MTIF2: variants seen among roughly 807,000 people sequenced by gnomAD.
MTIF2 encodes the protein translation initiation factor IF-2, mitochondrial.
A neutral mutation model predicts 83.5 loss-of-function variants in MTIF2; 71 were observed. That is an observed-to-expected ratio of 0.85 (90% CI 0.70 to 1.04). The LOEUF is 1.04. Among genes scored for constraint, MTIF2 ranks in the 50% least tolerant of loss-of-function variants. The probability of loss-of-function intolerance (pLI) is 0.00; values close to 1 mark genes in which losing one functional copy is unlikely to be tolerated. For synonymous variants in MTIF2, 319 were observed against 287.1 expected (o/e 1.11, Z -1.12); for missense variants, 957 against 846.5 (o/e 1.13, Z -1.62).
At chr2:55,258,442 G>A (rs1218834696) in intron 5 of MTIF2, among the ~76,000 whole-genome samples, 2 of 152,146 alleles carry the variant, frequency 1.3e-5, no homozygotes, top group African/African-American at 4.8e-5. Context: ...GCCGAGGTGG[G>A]TGGATCACCT....
intron 13 of MTIF2, among the ~76,000 whole-genome samples, chr2:55,240,802 A>G (rs1205740438): frequency 6.6e-6 from 1 of 152,236 alleles, no homozygotes; most frequent in African/African-American, 2.4e-5. Context: ...TACCAGAGAA[A>G]TAAAAACACA....
chr2:55,249,950 G>A (rs57517202), intron 8 of MTIF2, among the ~76,000 whole-genome samples: 10,947 of 151,976 alleles, frequency 0.072, 1,256 homozygotes, highest in African/African-American at 0.24. Context: ...AAAATTAGCC[G>A]GGCGTGGTGG....
intron 8 of MTIF2, among the ~76,000 whole-genome samples, chr2:55,249,892 G>C (rs1403085140): frequency 2.0e-5 from 3 of 152,108 alleles, no homozygotes; most frequent in African/African-American, 4.8e-5. Context: ...AGGAGTTTGA[G>C]ATCAGCCTGG....
chr2:55,268,252 A>AG (rs11445334), intron 2 of MTIF2, among the ~76,000 whole-genome samples: 2,826 of 151,550 alleles, frequency 0.019, 93 homozygotes, highest in African/African-American at 0.065. Flanking sequence ...CTCTGTCTAA[A>AG]GAAAAAAAAA....
Position 55,248,860 on chromosome 2 carries a change from G to A in MTIF2, c.981+535C>T, listed in dbSNP as rs1676886980. The stretch of plus-strand genomic sequence containing the variant: ...TCTGCTTAAGACAGTCTTTGGTCAG[G>A]CATGGTGGCTCACACTTGTAATCTC... On this transcript the variant is annotated intron_variant, in intron 9 of 15. Coordinates refer to ENST00000263629, the MANE Select transcript of MTIF2 (RefSeq NM_002453.3). Among the ~76,000 whole-genome samples, 4 of 151,976 alleles carry A rather than the reference G, an allele frequency of 2.6e-5. No individual in the cohort carries two copies. The South Asian group carries it at 8.3e-4, about 32-fold the overall frequency.
In MTIF2 at chr2:55,237,378, C is replaced by CT; in HGVS notation, c.1920dup (p.Val641SerfsTer20). The stretch of plus-strand genomic sequence containing the variant: ...TGGACTCTGCAGCCAGCCACAGGAA[C>CT]TTTTTTCTTCCCTTCTGTTACAGAG... On this transcript the variant is annotated frameshift_variant, in exon 15 of 16. Transcript: ENST00000263629. LOFTEE classifies it high-confidence loss of function. The CT allele has an allele frequency of 6.2e-7, 1 of 1,612,810 alleles. No individual in the cohort carries two copies. Among genetic ancestry groups the CT allele is most frequent in the African/African-American group, 1.3e-5 (1 of 74,972 alleles).
intron 13 of MTIF2, among the ~76,000 whole-genome samples, chr2:55,242,055 G>A (rs72797591): frequency 0.07 from 10,534 of 151,410 alleles, 484 homozygotes; most frequent in Admixed American, 0.13. Flanking sequence ...GGCTGTGGCA[G>A]GAGAATCCCT....
intron 13 of MTIF2, 41 bp downstream of exon 13, chr2:55,242,899 T>C: frequency 1.3e-6 from 2 of 1,580,940 alleles, no homozygotes; most frequent in Non-Finnish European, 1.7e-6. Context: ...TTCAGTGTTA[T>C]TTGGGGAACA....
chr2:55,264,226 C>G (rs938764032), intron 3 of MTIF2, among the ~76,000 whole-genome samples: 1 of 152,036 alleles, frequency 6.6e-6, no homozygotes, highest in African/African-American at 2.4e-5. Flanking sequence ...TGTTAAACAC[C>G]CTGAAACTTC....
Position 55,249,454 on chromosome 2 carries a change from C to T in MTIF2, c.922G>A (p.Asp308Asn), listed in dbSNP as rs769363395. 6.8e-6 allele frequency: 11 copies of T among 1,614,044 alleles called. No homozygotes were observed. The highest frequency in any genetic ancestry group is 1.1e-5 in the South Asian group (1 of 91,082). ...EKVKKELLAYDVVCEDYGGDV... is the reference protein window; with the variant it reads ...EKVKKELLAYNVVCEDYGGDV... ...CCTCCATAATCTTCACATACCACAT[C>T]GTAAGCCAGCAGCTCTTTTTTCACT... Residue 308 changes from aspartate to asparagine, a missense_variant, in exon 9 of 16, where the codon GAT (aspartate) becomes AAT (asparagine). Physicochemically the swap from Asp to Asn is conservative, Grantham distance 23. This residue lies in a region of MTIF2 where 733 missense variants were observed against 648.7 expected (regional missense o/e 1.13). Transcript: ENST00000263629.
Position 55,243,543 on chromosome 2 carries a change from C to G in MTIF2, c.1437G>C (p.Glu479Asp), listed in dbSNP as rs746231947. 7 of 1,614,126 alleles carry G rather than the reference C, an allele frequency of 4.3e-6. No individual in the cohort carries two copies. The Admixed American group carries it at 1.0e-4, about 23-fold the overall frequency. Reference protein sequence around the residue: ...EHKEAHQKAREKYGHLLWKKR... With the variant: ...EHKEAHQKARDKYGHLLWKKR... ...TCTTCCACAGTAGATGGCCATACTT[C>G]TCACGGGCTTTCTGATGTGCTTCTT... Residue 479 changes from glutamate (E) to aspartate (D), a missense_variant, in exon 12 of 16, where the codon GAG (glutamate) becomes GAC (aspartate). Glu to Asp is a conservative substitution (Grantham distance 45, BLOSUM62 2). Around this residue, in one of 3 missense-constraint regions of MTIF2, gnomAD observed 733 missense variants for 648.7 expected, o/e 1.13. Coordinates refer to ENST00000263629, the MANE Select transcript of MTIF2 (RefSeq NM_002453.3).
At chr2:55,244,503 T>C (rs182234212) in intron 10 of MTIF2, among the ~76,000 whole-genome samples, 1 of 152,316 alleles carries the variant, frequency 6.6e-6, no homozygotes, top group Admixed American at 6.5e-5. Flanking sequence ...TTTAAACAAA[T>C]TTATTTGCGA....
At chr2:55,259,922 T>C (rs1287646965) in intron 5 of MTIF2, among the ~76,000 whole-genome samples, 2 of 152,116 alleles carry the variant, frequency 1.3e-5, no homozygotes, top group Non-Finnish European at 2.9e-5. Flanking sequence ...CCAGCCTGGG[T>C]GACAGAGCAA....
At position 55,238,965 on chromosome 2, in the gene MTIF2, C is replaced by A. The variant is rs138043324; in HGVS notation, c.1870+1046G>T. Among the ~76,000 whole-genome samples the A allele has an allele frequency of 5.3e-5, 8 of 152,112 alleles. No homozygotes were observed. The East Asian group carries it at 7.7e-4, about 15-fold the overall frequency. ...GTAGACCAAAAATGCAAAATCAAAT[C>A]TCATCATGGGGAAACACTGGACAAA... On this transcript the variant is annotated intron_variant, in intron 14 of 15. Coordinates refer to ENST00000263629, the MANE Select transcript of MTIF2 (RefSeq NM_002453.3).
At chr2:55,244,348 C>A (rs1573864541) in intron 10 of MTIF2, 115 bp from the exon 11 acceptor site, 8 of 796,696 alleles carry the variant, frequency 1.0e-5, no homozygotes, top group Non-Finnish European at 1.6e-5. Context: ...TTAATTCCAC[C>A]ACTTCTTAAC....
chr2:55,237,230 T>C (rs762512991), intron 15 of MTIF2, 58 bp downstream of exon 15: 12 of 1,528,782 alleles, frequency 7.8e-6, no homozygotes, highest in Non-Finnish European at 3.5e-6. Context: ...GATGGTTATA[T>C]AGTCAACAGG....
chr2:55,239,688 G>A (rs954362843), intron 14 of MTIF2, among the ~76,000 whole-genome samples: 1 of 152,130 alleles, frequency 6.6e-6, no homozygotes, highest in South Asian at 2.1e-4. Flanking sequence ...AAAGTCAACA[G>A]CTCTTTCCAT....
At position 55,252,659 on chromosome 2, in the gene MTIF2, G is replaced by A. The variant is rs1444128505; in HGVS notation, c.665-6C>T. 5.0e-6 allele frequency: 8 copies of A among 1,604,620 alleles called. No individual in the cohort carries two copies. Among genetic ancestry groups the A allele is most frequent in the Non-Finnish European group, 6.8e-6 (8 of 1,174,172 alleles). On this transcript the variant is annotated splice_polypyrimidine_tract_variant and splice_region_variant and intron_variant, in intron 7 of 15. Coordinates refer to ENST00000263629, the MANE Select transcript of MTIF2 (RefSeq NM_002453.3). ...TTCCCCAGAAGGCAGAGAGACTGTG[G>A]AAACAGAAATTCAAGAACATCAAGG... is the stretch of plus-strand genomic sequence containing the variant.
In MTIF2 at chr2:55,260,992, CT is replaced by C. The variant is rs34082053; in HGVS notation, c.331+1323del. ...GTTGTAGTTATTACTACCAGTATTT[CT>C]TTTTTTTTTTTAAGATGGAGTCTCG... On this transcript the variant is annotated intron_variant, in intron 5 of 15. Coordinates refer to ENST00000263629, the MANE Select transcript of MTIF2 (RefSeq NM_002453.3). Among the ~76,000 whole-genome samples, 346 of 144,756 alleles carry C rather than the reference CT, an allele frequency of 2.4e-3. 1 individual carries two copies. Among genetic ancestry groups the C allele is most frequent in the African/African-American group, 3.9e-3 (153 of 39,646 alleles). The allele number at this position is 144,756 out of a possible 152,430, so 95.0% of individuals were successfully genotyped here. A position where few individuals can be genotyped will look rare whatever the true frequency, so the allele number is the denominator to read the frequency against.
Sources: allele counts gnomAD v4.1 joint callset (sites outside exome capture counted in the v4.1 genomes callset), GRCh38; gene constraint gnomAD v4.1.1; regional missense constraint gnomAD v4.1.1; transcripts MANE v1.5; gene names NCBI Gene and HGNC (gene_info 2026-07-23, HGNC 2026-07-21).